SLC41A2: variants seen among roughly 807,000 people sequenced by gnomAD.
SLC41A2 encodes the protein SLC41A1-like 1.
A neutral mutation model predicts 58.3 loss-of-function variants in SLC41A2; 32 were observed. The ratio of observed to expected loss-of-function variants is 0.55; its 90% CI spans 0.41 to 0.74. SLC41A2 has a LOEUF of 0.74. SLC41A2 is among the 30% of genes least tolerant of loss of function. SLC41A2 has a pLI of 0.00. For missense variants in SLC41A2, 514 were observed against 680.6 expected (o/e 0.76, Z 2.72); for synonymous variants, 190 against 235.0 (o/e 0.81, Z 1.75).
chr12:104,911,737 A>C (rs1180872923), intron 2 of SLC41A2, among the ~76,000 whole-genome samples: 1 of 152,222 alleles, frequency 6.6e-6, no homozygotes, highest in African/African-American at 2.4e-5. Context: ...GTCTTCTGTA[A>C]AATCCTGGTT....
At chr12:104,805,383 A>G in intron 10 of SLC41A2, 46 bp from the exon 11 acceptor site, 1 of 1,535,308 alleles carries the variant, frequency 6.5e-7, no homozygotes, top group Non-Finnish European at 8.8e-7. Flanking sequence ...GGACATTCCT[A>G]GCCCATGAAA....
intron 3 of SLC41A2, among the ~76,000 whole-genome samples, chr12:104,906,778 A>C (rs1314174467): frequency 1.3e-5 from 2 of 152,196 alleles, no homozygotes; most frequent in Non-Finnish European, 2.9e-5. Context: ...AGCATGTTAA[A>C]AGCCCAGCTG....
chr12:104,868,598 C>G (rs2043594832), intron 6 of SLC41A2, among the ~76,000 whole-genome samples: 1 of 152,012 alleles, frequency 6.6e-6, no homozygotes, highest in African/African-American at 2.4e-5. Flanking sequence ...TCATGTACAC[C>G]CAACAGAATG....
In SLC41A2 at chr12:104,918,150, T is replaced by G. The variant is rs141565037; in HGVS notation, c.556-8388A>C. On this transcript the variant is annotated intron_variant, in intron 2 of 10. Coordinates refer to ENST00000258538, the MANE Select transcript of SLC41A2 (RefSeq NM_001352171.3). ...AAGATCAAAAAGTTGGAAAATACAC[T>G]TTTGCTAAGAGTATAAGGACATAGG... Among the ~76,000 whole-genome samples, 720 of 152,006 alleles carry G rather than the reference T, an allele frequency of 4.7e-3. 7 individuals are homozygous for G. The highest frequency in any genetic ancestry group is 0.017 in the African/African-American group (687 of 41,500).
At chr12:104,816,289 T>A (rs751396220) in intron 10 of SLC41A2, among the ~76,000 whole-genome samples, 2 of 152,182 alleles carry the variant, frequency 1.3e-5, no homozygotes, top group Non-Finnish European at 2.9e-5. Context: ...AGCAGCATTA[T>A]AAACAAAATA....
chr12:104,845,744 A>G (rs1487306699), intron 9 of SLC41A2, 99 bp downstream of exon 9: 41 of 1,291,132 alleles, frequency 3.2e-5, no homozygotes, highest in Non-Finnish European at 4.2e-5. Flanking sequence ...AAAGTTGAGC[A>G]ACTTTCACAA....
At chr12:104,916,427 C>G (rs1450686966) in intron 2 of SLC41A2, among the ~76,000 whole-genome samples, 1 of 152,046 alleles carries the variant, frequency 6.6e-6, no homozygotes, top group African/African-American at 2.4e-5. Flanking sequence ...CAATGCCATC[C>G]CCATCAAGCT....
Position 104,870,771 on chromosome 12 carries a change from T to C in SLC41A2, c.1028-4192A>G, listed in dbSNP as rs1407804801. ...TGTTCATCATTCTCACCCCAAATTC[T>C]TCTGAAACATGTAGCTGTTATGATT... is the stretch of plus-strand genomic sequence containing the variant. On this transcript the variant is annotated intron_variant, in intron 6 of 10. Transcript: ENST00000258538. Among the ~76,000 whole-genome samples the C allele has an allele frequency of 2.6e-5, 4 of 152,222 alleles. No individual in the cohort carries two copies. The East Asian group carries it at 7.7e-4, about 29-fold the overall frequency.
At chr12:104,840,542 A>G (rs1221942252) in intron 10 of SLC41A2, among the ~76,000 whole-genome samples, 1 of 152,186 alleles carries the variant, frequency 6.6e-6, no homozygotes, top group Non-Finnish European at 1.5e-5. Flanking sequence ...CTCAAAAAGC[A>G]ATGTGATTGG....
At position 104,877,934 on chromosome 12, in the gene SLC41A2, C is replaced by CG. The variant is rs76942212; in HGVS notation, c.1027+8358dup. Among the ~76,000 whole-genome samples the CG allele has an allele frequency of 5.9e-5, 9 of 151,892 alleles. No homozygotes were observed. In the East Asian group the frequency reaches 1.7e-3, roughly 29 times the overall value. On this transcript the variant is annotated intron_variant, in intron 6 of 10. Coordinates refer to ENST00000258538, the MANE Select transcript of SLC41A2 (RefSeq NM_001352171.3). ...TGAGGCACGACCATCACTTGAACCC[C>CG]GGAGGCAGAGGTCTCAGTGAGCCAA...
At chr12:104,808,272 A>ATAAGG (rs2041012118) in intron 10 of SLC41A2, among the ~76,000 whole-genome samples, 3 of 152,234 alleles carry the variant, frequency 2.0e-5, no homozygotes, top group Admixed American at 1.3e-4. Context: ...AGTTTTTAGC[A>ATAAGG]GGAAGCATTG....
intron 4 of SLC41A2, among the ~76,000 whole-genome samples, chr12:104,890,727 T>C (rs766750320): frequency 1.6e-4 from 24 of 152,192 alleles, no homozygotes; most frequent in Non-Finnish European, 2.4e-4. Flanking sequence ...ACAGGACACG[T>C]CCCTCCTGGT....
At chr12:104,899,937 G>A (rs1210682135) in intron 3 of SLC41A2, among the ~76,000 whole-genome samples, 1 of 151,990 alleles carries the variant, frequency 6.6e-6, no homozygotes, top group Non-Finnish European at 1.5e-5. Flanking sequence ...ACTCATTTAG[G>A]TTATTCCTAT....
intron 10 of SLC41A2, among the ~76,000 whole-genome samples, chr12:104,832,335 T>A (rs1320576148): frequency 4.6e-5 from 7 of 152,216 alleles, no homozygotes; most frequent in Non-Finnish European, 8.8e-5. Context: ...CAGGAAAAGA[T>A]TAATTGTTAT....
intron 10 of SLC41A2, among the ~76,000 whole-genome samples, chr12:104,823,377 T>G (rs1431164741): frequency 6.6e-6 from 1 of 151,848 alleles, no homozygotes; most frequent in African/African-American, 2.4e-5. Context: ...AAAACTAAAA[T>G]CAACAACAAG....
At chr12:104,836,612 T>C (rs1002402954) in intron 10 of SLC41A2, among the ~76,000 whole-genome samples, 10 of 152,190 alleles carry the variant, frequency 6.6e-5, no homozygotes, top group African/African-American at 2.4e-4. Context: ...ATATACACTT[T>C]CTAGGTAAAG....
chr12:104,932,670 A>G (rs1193804573), intron 1 of SLC41A2, among the ~76,000 whole-genome samples: 3 of 151,012 alleles, frequency 2.0e-5, no homozygotes, highest in Non-Finnish European at 2.9e-5. Context: ...AAACAGCATG[A>G]TACTGGTATA....
chr12:104,895,381 A>T, intron 3 of SLC41A2, 36 bp from the exon 4 acceptor site: 3 of 1,435,328 alleles, frequency 2.1e-6, no homozygotes, highest in Non-Finnish European at 2.9e-6. Flanking sequence ...TCACTGAAGA[A>T]AATCTACATG....
At chr12:104,839,892 T>A (rs1385058747) in intron 10 of SLC41A2, among the ~76,000 whole-genome samples, 1 of 152,176 alleles carries the variant, frequency 6.6e-6, no homozygotes, top group Non-Finnish European at 1.5e-5. Context: ...TGTTTTTTCA[T>A]AGAGGATATA....
Sources: gnomAD v4.1 joint callset for allele counts (sites outside exome capture counted in the v4.1 genomes callset) on GRCh38, gnomAD v4.1.1 for gene constraint, MANE v1.5 for transcripts, NCBI Gene and HGNC (gene_info 2026-07-23, HGNC 2026-07-21) for gene names.